WDR31: variants seen among roughly 807,000 people sequenced by gnomAD.
WDR31 encodes the protein WD repeat domain 31.
WDR31 carries 30 observed loss-of-function variants against 47.3 expected under a neutral mutation model. The ratio of observed to expected loss-of-function variants is 0.63; its 90% CI spans 0.47 to 0.86. The LOEUF (loss-of-function observed/expected upper bound fraction) is 0.86. Among genes scored for constraint, WDR31 ranks in the 40% least tolerant of loss-of-function variants. The pLI is 0.00. For missense variants in WDR31, 406 were observed against 442.9 expected (o/e 0.92, Z 0.75); for synonymous variants, 137 against 159.4 (o/e 0.86, Z 1.06).
intron 7 of WDR31, among the ~76,000 whole-genome samples, chr9:113,322,254 A>G (rs1238113433): frequency 2.0e-5 from 3 of 152,040 alleles, no homozygotes; most frequent in African/African-American, 7.2e-5. Flanking sequence ...AGACACTCTA[A>G]GAGCTTAAGT....
chr9:113,337,216 G>A (rs937171892), intron 1 of WDR31, among the ~76,000 whole-genome samples: 3 of 152,160 alleles, frequency 2.0e-5, no homozygotes, highest in African/African-American at 7.2e-5. Flanking sequence ...ACTTTCCTAT[G>A]TGTAAAATAG....
chr9:113,334,612 C>T lies in WDR31; in HGVS notation c.-29+1676G>A, dbSNP rs192606557. ...TGGAGTGCAATGGCGTGATCTCAGC[C>T]CACTGCAACCTCCGTCTCCTGGGTT... On this transcript the variant is annotated intron_variant, in intron 2 of 10. Transcript: ENST00000374193. 5.9e-3 allele frequency among the ~76,000 whole-genome samples: 900 copies of T among 151,658 alleles called. 9 individuals are homozygous for T. The highest frequency in any genetic ancestry group is 0.021 in the African/African-American group (855 of 41,358).
In WDR31 at chr9:113,318,513, T is replaced by G; in HGVS notation, c.905A>C (p.His302Pro). Residue 302 changes from histidine to proline, a missense_variant, in exon 10 of 11, where the codon CAT becomes CCT. By Grantham distance (77) the His-to-Pro change is moderately conservative. Coordinates refer to ENST00000374193, the MANE Select transcript of WDR31 (RefSeq NM_001012361.4). The stretch of plus-strand genomic sequence containing the variant: ...GTTCCAAATCTTCACCTTGCAATCA[T>G]GTGATGAGGTAGCAATTAAAGGCAT... ...ALMPLIATSS[H>P]DCKVKIWNQD... is the part of the protein sequence containing the mutation. The G allele has an allele frequency of 6.2e-7, 1 of 1,614,232 alleles. No homozygotes were observed. Among genetic ancestry groups the G allele is most frequent in the Non-Finnish European group, 8.5e-7 (1 of 1,180,040 alleles).
At chr9:113,330,208 C>T (rs1298931340) in intron 4 of WDR31, among the ~76,000 whole-genome samples, 1 of 151,958 alleles carries the variant, frequency 6.6e-6, no homozygotes, top group Non-Finnish European at 1.5e-5. Context: ...TCTAGCAATT[C>T]TTGAGCCTCA....
chr9:113,320,287 C>T, intron 9 of WDR31, 70 bp downstream of exon 9: 38 of 1,575,328 alleles, frequency 2.4e-5, no homozygotes, highest in Non-Finnish European at 3.3e-5. Flanking sequence ...AGCACAGCTA[C>T]AGGCATGAGG....
intron 9 of WDR31, among the ~76,000 whole-genome samples, chr9:113,319,511 AC>A (rs1377373163): frequency 5.9e-5 from 9 of 152,200 alleles, no homozygotes; most frequent in Non-Finnish European, 1.0e-4. Context: ...ATGAGATATT[AC>A]ATGTAATGTG....
At chr9:113,330,559 G>A (rs779972651) in intron 4 of WDR31, among the ~76,000 whole-genome samples, 5 of 152,224 alleles carry the variant, frequency 3.3e-5, no homozygotes, top group Non-Finnish European at 7.3e-5. Context: ...TACCAGTGTA[G>A]AGAGCATAAA....
Position 113,322,878 on chromosome 9 carries a change from T to C in WDR31, c.503A>G (p.Asn168Ser), listed in dbSNP as rs776462998. 1 of 1,614,164 alleles carries C rather than the reference T, an allele frequency of 6.2e-7. No homozygotes were observed. Among genetic ancestry groups the C allele is most frequent in the South Asian group, 1.1e-5 (1 of 91,078 alleles). ...CACCACATCCCACAGAAGCAGGGTG[T>C]TGTCCCGAGAGCCAGTGCACAGCTG... ...SSQLCTGSRD[N>S]TLLLWDVVTG... Residue 168 changes from asparagine (N) to serine (S), a missense_variant, in exon 7 of 11, where the codon AAC becomes AGC. Asn to Ser is a conservative substitution (Grantham distance 46). Transcript: ENST00000374193.
rs569503183 is a variant in WDR31, at chr9:113,316,913, G to T, written c.944-4C>A. On this transcript the variant is annotated splice_polypyrimidine_tract_variant and splice_region_variant and intron_variant, in intron 10 of 10. Transcript: ENST00000374193. The stretch of plus-strand genomic sequence containing the variant: ...AGAGACAAGGTGAAAAGGCAGGCTG[G>T]GGGGGAAAGGGGGACCAGCAGATTA... The T allele has an allele frequency of 1.4e-5, 23 of 1,612,820 alleles. No individual in the cohort carries two copies. The highest frequency in any genetic ancestry group is 1.9e-5 in the Non-Finnish European group (22 of 1,179,480).
At chr9:113,324,873 T>TGTAC (rs1389135393) in intron 5 of WDR31, among the ~76,000 whole-genome samples, 3 of 150,248 alleles carry the variant, frequency 2.0e-5, no homozygotes, top group African/African-American at 7.4e-5. Flanking sequence ...TGTGTGTGTG[T>TGTAC]ACAAATATCT....
chr9:113,317,611 G>A (rs1399233650), intron 10 of WDR31, among the ~76,000 whole-genome samples: 12 of 152,240 alleles, frequency 7.9e-5, no homozygotes, highest in Non-Finnish European at 1.5e-5. Context: ...GCTGTTTGCA[G>A]AATGCCCACA....
At chr9:113,325,750 GAATT>G (rs1378806692) in intron 5 of WDR31, among the ~76,000 whole-genome samples, 1 of 151,600 alleles carries the variant, frequency 6.6e-6, no homozygotes, top group East Asian at 1.9e-4. Flanking sequence ...ATTTTTAAAA[GAATT>G]AAAACAATTA....
rs770049110 is a variant in WDR31, at chr9:113,316,912, G to C, written c.944-3C>G. 4.3e-6 allele frequency: 7 copies of C among 1,610,284 alleles called. No homozygotes were observed. Among genetic ancestry groups the C allele is most frequent in the Non-Finnish European group, 5.9e-6 (7 of 1,178,110 alleles). On this transcript the variant is annotated splice_polypyrimidine_tract_variant and splice_region_variant and intron_variant, in intron 10 of 10. Transcript: ENST00000374193. ...CAGAGACAAGGTGAAAAGGCAGGCTGGGGGGGAAAGGGGGACCAGCAGATT... is the reference window on the plus strand; with the variant it reads ...CAGAGACAAGGTGAAAAGGCAGGCTCGGGGGGAAAGGGGGACCAGCAGATT...
Position 113,320,406 on chromosome 9 carries a change from T to C in WDR31, c.731A>G (p.Lys244Arg). 6.2e-7 allele frequency: 1 copy of C among 1,614,258 alleles called. No individual in the cohort carries two copies. The highest frequency in any genetic ancestry group is 8.5e-7 in the Non-Finnish European group (1 of 1,180,046). The part of the protein sequence containing the change: ...TYCEVSVDGH[K>R]CISCSNGFGG... Reference sequence around the variant, plus strand: ...AAAGCCATTGCTGCAGGAGATACACTTGTGTCCATCCACACTGACTTCACA... The same window carrying C: ...AAAGCCATTGCTGCAGGAGATACACCTGTGTCCATCCACACTGACTTCACA... Residue 244 changes from lysine (K) to arginine (R), a missense_variant, in exon 9 of 11, where the codon AAG becomes AGG. Coordinates refer to ENST00000374193, the MANE Select transcript of WDR31 (RefSeq NM_001012361.4).
At chr9:113,320,565 AC>A in intron 8 of WDR31, 67 bp from the exon 9 acceptor site, 1 of 1,557,504 alleles carries the variant, frequency 6.4e-7, no homozygotes, top group Non-Finnish European at 8.7e-7. Context: ...GTATTGTCCC[AC>A]TACCAAAAAA....
At chr9:113,337,088 C>T (rs1303178810) in intron 1 of WDR31, among the ~76,000 whole-genome samples, 1 of 152,168 alleles carries the variant, frequency 6.6e-6, no homozygotes, top group Non-Finnish European at 1.5e-5. Context: ...TTAAGGGCAG[C>T]ACAGAATAGT....
At chr9:113,335,292 AC>A (rs1279412255) in intron 2 of WDR31, among the ~76,000 whole-genome samples, 7 of 152,136 alleles carry the variant, frequency 4.6e-5, no homozygotes, top group African/African-American at 1.7e-4. Context: ...TGAAGATGTG[AC>A]CAGCATGAAC....
intron 5 of WDR31, among the ~76,000 whole-genome samples, chr9:113,325,098 A>G (rs1473766875): frequency 6.7e-6 from 1 of 148,884 alleles, no homozygotes. Context: ...GGTGTGTGCC[A>G]CCATGCCTGG....
At chr9:113,317,313 C>T (rs1366103201) in intron 10 of WDR31, among the ~76,000 whole-genome samples, 2 of 152,072 alleles carry the variant, frequency 1.3e-5, no homozygotes, top group Admixed American at 6.5e-5. Flanking sequence ...TGGGAGAGCC[C>T]GAAAGGCAGT....
Sources: allele counts gnomAD v4.1 joint callset (sites outside exome capture counted in the v4.1 genomes callset), GRCh38; gene constraint gnomAD v4.1.1; transcripts MANE v1.5; gene names NCBI Gene and HGNC (gene_info 2026-07-23, HGNC 2026-07-21).